Variants in CCNY observed in about 807,000 individuals in gnomAD.
CCNY encodes the protein cyclin Y.
Under a neutral mutation model 42.8 loss-of-function variants are expected in CCNY, and 19 were observed. The observed-to-expected ratio is 0.44, with a 90% CI of 0.31 to 0.65. The LOEUF is 0.65. CCNY is among the 30% of genes least tolerant of loss of function. The pLI is 0.07. For synonymous variants in CCNY, 165 were observed against 162.7 expected (o/e 1.01, Z -0.11); for missense variants, 370 against 437.3 (o/e 0.85, Z 1.37).
intron 3 of CCNY, among the ~76,000 whole-genome samples, chr10:35,285,384 A>T (rs1884567): frequency 0.28 from 42,445 of 152,020 alleles, 6,263 homozygotes; most frequent in East Asian, 0.35. Context: ...TCTCGTAGAC[A>T]GCATGTATTT....
At chr10:35,418,710 C>T (rs1838081763) in intron 1 of CCNY, among the ~76,000 whole-genome samples, 1 of 152,124 alleles carries the variant, frequency 6.6e-6, no homozygotes, top group African/African-American at 2.4e-5. Flanking sequence ...CAGTGAGGCT[C>T]TGGAGTCAGA....
At chr10:35,456,344 T>C (rs1839035095) in intron 1 of CCNY, among the ~76,000 whole-genome samples, 1 of 152,224 alleles carries the variant, frequency 6.6e-6, no homozygotes, top group South Asian at 2.1e-4. Context: ...GGAGCTTCTG[T>C]TGTGCTGGGC....
chr10:35,521,360 G>A (rs1008581893), intron 4 of CCNY, among the ~76,000 whole-genome samples: 1 of 152,180 alleles, frequency 6.6e-6, no homozygotes, highest in South Asian at 2.1e-4. Flanking sequence ...TGTCCTAACC[G>A]ATAATCAGAG....
intron 8 of CCNY, among the ~76,000 whole-genome samples, chr10:35,561,972 C>G (rs1017306444): frequency 6.6e-6 from 1 of 152,242 alleles, no homozygotes; most frequent in Non-Finnish European, 1.5e-5. Context: ...GCCTTTCTCC[C>G]ACTCTCACCA....
intron 3 of CCNY, among the ~76,000 whole-genome samples, chr10:35,283,495 C>G (rs547679396): frequency 6.6e-6 from 1 of 151,994 alleles, no homozygotes; most frequent in African/African-American, 2.4e-5. Flanking sequence ...CCTCTGCCTC[C>G]TGGGTTCAAG....
intron 4 of CCNY, among the ~76,000 whole-genome samples, chr10:35,525,212 C>T (rs1002389803): frequency 6.6e-6 from 1 of 151,994 alleles, no homozygotes; most frequent in African/African-American, 2.4e-5. Context: ...GGATGGAAAC[C>T]TGACTCCTTA....
At chr10:35,341,190 C>G (rs1030858244) in intron 1 of CCNY, among the ~76,000 whole-genome samples, 3 of 152,230 alleles carry the variant, frequency 2.0e-5, no homozygotes, top group African/African-American at 7.2e-5. Flanking sequence ...TTGCTCATTC[C>G]AGCCACATTG....
At position 35,564,159 on chromosome 10, in the gene CCNY, T is replaced by C. The variant is rs187469807; in HGVS notation, c.747-1864T>C. Among the ~76,000 whole-genome samples the C allele has an allele frequency of 7.9e-3, 1,157 of 146,970 alleles. 12 individuals carry two copies. The highest frequency in any genetic ancestry group is 0.028 in the African/African-American group (1,106 of 39,448). ...CCTCCCAAAGTGCTGAGATTACAGGTGTGAGTGACCACACCCAGCCTAAAT... is the reference window on the plus strand; with the variant it reads ...CCTCCCAAAGTGCTGAGATTACAGGCGTGAGTGACCACACCCAGCCTAAAT... On this transcript the variant is annotated intron_variant, in intron 8 of 9. Coordinates refer to ENST00000374704, the MANE Select transcript of CCNY (RefSeq NM_145012.6).
upstream of CCNY, chr10:35,336,086 T>A (rs1403654223): frequency 1.3e-5 from 2 of 152,018 alleles, no homozygotes; most frequent in Non-Finnish European, 2.9e-5. Context: ...TCTAAAAAAA[T>A]AAATTAGAAA....
chr10:35,338,743 A>AT (rs1836108960), intron 1 of CCNY, among the ~76,000 whole-genome samples: 1 of 152,180 alleles, frequency 6.6e-6, no homozygotes, highest in Admixed American at 6.5e-5. Flanking sequence ...TGTGCAGTAA[A>AT]TTTCCTTTTT....
At chr10:35,259,148 C>T (rs2095717606) in intron 3 of CCNY, among the ~76,000 whole-genome samples, 1 of 152,142 alleles carries the variant, frequency 6.6e-6, no homozygotes, top group African/African-American at 2.4e-5. Flanking sequence ...TAATTGTTAT[C>T]TAGATAGGGA....
chr10:35,446,246 C>T (rs1292004537), intron 1 of CCNY, among the ~76,000 whole-genome samples: 1 of 152,224 alleles, frequency 6.6e-6, no homozygotes, highest in East Asian at 1.9e-4. Context: ...ACTAAATGTT[C>T]GATTCCACAG....
In CCNY at chr10:35,394,912, A is replaced by G. The variant is rs115359340; in HGVS notation, c.154+57705A>G. 1.3e-3 allele frequency: 1,175 copies of G among 896,332 alleles called. 13 individuals are homozygous for G. The African/African-American group carries it at 0.02, about 15-fold the overall frequency. 55.5% of individuals were successfully genotyped at this position (896,332 alleles called of 1,614,324 possible). ...GTGCCTTGGAAAATTAAATGGGAGT[A>G]TTGTAAAACTCACTGAGGGCTTCTC... On this transcript the variant is annotated intron_variant, in intron 1 of 9. Coordinates refer to ENST00000374704, the MANE Select transcript of CCNY (RefSeq NM_145012.6).
At chr10:35,471,664 T>C (rs1273529147) in intron 1 of CCNY, among the ~76,000 whole-genome samples, 2 of 152,372 alleles carry the variant, frequency 1.3e-5, no homozygotes, top group Non-Finnish European at 1.5e-5. Flanking sequence ...CTGAAAGCAG[T>C]GTGACCGAAC....
At chr10:35,418,562 G>A (rs1392825941) in intron 1 of CCNY, among the ~76,000 whole-genome samples, 1 of 152,160 alleles carries the variant, frequency 6.6e-6, no homozygotes, top group African/African-American at 2.4e-5. Flanking sequence ...TGTGGTCGTG[G>A]TGCCCCATAA....
At chr10:35,515,652 T>C (rs1205600462) in intron 3 of CCNY, among the ~76,000 whole-genome samples, 1 of 152,222 alleles carries the variant, frequency 6.6e-6, no homozygotes, top group East Asian at 1.9e-4. Flanking sequence ...ATCAGGCACG[T>C]GGAAACTTGT....
chr10:35,313,853 G>A lies in CCNY; in HGVS notation c.-9+63227G>A, dbSNP rs935184423. ...TAGCCTGGCGTGGTGGTGCATTCCT[G>A]CAGTCTCAGCTACTCAGGAGGCTGA... On this transcript the variant is annotated intron_variant, in intron 3 of 11. Transcript: ENST00000374706. Among the ~76,000 whole-genome samples, 22 of 151,874 alleles carry A rather than the reference G, an allele frequency of 1.4e-4. 1 individual carries two copies. The highest frequency in any genetic ancestry group is 5.1e-4 in the African/African-American group (21 of 41,356).
chr10:35,249,771 G>A (rs1457514348), intron 2 of CCNY, among the ~76,000 whole-genome samples: 1 of 152,136 alleles, frequency 6.6e-6, no homozygotes, highest in South Asian at 2.1e-4. Flanking sequence ...AAAGTGAGAC[G>A]GAGTGCAGTG....
intron 2 of CCNY, among the ~76,000 whole-genome samples, chr10:35,489,603 A>G (rs1287656814): frequency 2.0e-5 from 3 of 152,210 alleles, no homozygotes; most frequent in Non-Finnish European, 4.4e-5. Context: ...TTGTTCATCT[A>G]TATAAATAGA....
Sources: gnomAD v4.1 joint callset for allele counts (sites outside exome capture counted in the v4.1 genomes callset) on GRCh38, gnomAD v4.1.1 for gene constraint, MANE v1.5 for transcripts, NCBI Gene and HGNC (gene_info 2026-07-23, HGNC 2026-07-21) for gene names.